The following TCF7L2 variants were observed in gnomAD, a reference collection of about 807,000 sequenced individuals.
TCF7L2 encodes the protein transcription factor 7 like 2.
In TCF7L2, 23 loss-of-function variants were observed where a neutral mutation model predicts 77.9. The ratio of observed to expected loss-of-function variants is 0.30; its 90% CI spans 0.21 to 0.42. The LOEUF (loss-of-function observed/expected upper bound fraction) is 0.42. TCF7L2 is among the 10% of genes least tolerant of loss of function. The pLI, the probability that TCF7L2 is intolerant of heterozygous loss-of-function variation, is 1.00. For synonymous variants in TCF7L2, 413 were observed against 340.2 expected (o/e 1.21, Z -2.36); for missense variants, 654 against 793.1 (o/e 0.82, Z 2.11).
chr10:113,122,325 A>G (rs538835549), intron 5 of TCF7L2, among the ~76,000 whole-genome samples: 6 of 152,384 alleles, frequency 3.9e-5, no homozygotes, highest in African/African-American at 9.6e-5. Flanking sequence ...TTAATATTCT[A>G]TGATTCAAAA....
At chr10:113,000,740 T>C (rs1468823346) in intron 4 of TCF7L2, among the ~76,000 whole-genome samples, 2 of 152,182 alleles carry the variant, frequency 1.3e-5, no homozygotes, top group East Asian at 3.9e-4. Flanking sequence ...GAGAAGGCTC[T>C]GGGTACATGA....
At position 113,013,958 on chromosome 10, in the gene TCF7L2, T is replaced by C. The variant is rs144363244; in HGVS notation, c.451-26067T>C. Among the ~76,000 whole-genome samples the C allele has an allele frequency of 1.6e-3, 250 of 152,326 alleles. No individual in the cohort carries two copies. The Middle Eastern group carries it at 0.02, about 12-fold the overall frequency. On this transcript the variant is annotated intron_variant, in intron 4 of 13. Transcript: ENST00000627217. ...AGCTAGCTAGCTGCCTGGAATTTCT[T>C]TAGAAGGAACTGAAGTTTTTAAAAA...
chr10:113,083,841 G>A (rs2059562843), intron 5 of TCF7L2, among the ~76,000 whole-genome samples: 1 of 152,034 alleles, frequency 6.6e-6, no homozygotes. Flanking sequence ...CAAAGATGTG[G>A]CATTTCCAAA....
intron 4 of TCF7L2, among the ~76,000 whole-genome samples, chr10:113,014,544 G>A (rs2047016979): frequency 6.6e-6 from 1 of 152,180 alleles, no homozygotes; most frequent in South Asian, 2.1e-4. Flanking sequence ...TGTAATCCCA[G>A]CACTTTGGGA....
At chr10:113,157,774 A>T in intron 11 of TCF7L2, 1 of 452,312 alleles carries the variant, frequency 2.2e-6, no homozygotes, top group Admixed American at 3.5e-5. Flanking sequence ...ATGAGAAATG[A>T]GAGCTTCCCT....
intron 4 of TCF7L2, among the ~76,000 whole-genome samples, chr10:113,030,569 G>A (rs561753497): frequency 1.3e-5 from 2 of 152,348 alleles, no homozygotes; most frequent in African/African-American, 2.4e-5. Context: ...GTGAAAGATT[G>A]TAAATACTTT....
chr10:112,974,453 T>G (rs2038966819), intron 4 of TCF7L2, among the ~76,000 whole-genome samples: 1 of 152,088 alleles, frequency 6.6e-6, no homozygotes, highest in Admixed American at 6.5e-5. Context: ...TTTTTTTTGT[T>G]TTTGTTTTTG....
At chr10:113,049,851 G>T (rs529749212) in intron 5 of TCF7L2, among the ~76,000 whole-genome samples, 3 of 152,292 alleles carry the variant, frequency 2.0e-5, no homozygotes, top group African/African-American at 4.8e-5. Context: ...GCCATGCTTC[G>T]AGTGGAGCTT....
At chr10:113,150,909 T>C (rs775932241) in intron 8 of TCF7L2, 89 bp from the exon 9 acceptor site, 20 of 1,214,498 alleles carry the variant, frequency 1.6e-5, no homozygotes, top group Non-Finnish European at 2.2e-5. Context: ...TTACGTGCTG[T>C]TTTTTTTTTT....
At chr10:113,007,954 G>GGGCA (rs1368409144) in intron 4 of TCF7L2, among the ~76,000 whole-genome samples, 2 of 152,212 alleles carry the variant, frequency 1.3e-5, no homozygotes, top group Non-Finnish European at 2.9e-5. Flanking sequence ...AAAGAAGCCT[G>GGGCA]GGCAGGCAGG....
rs972652206 is a variant in TCF7L2 at position 113,086,800 on chromosome 10, A to G, written c.552+46674A>G. On this transcript the variant is annotated intron_variant, in intron 5 of 13. Transcript: ENST00000627217. Reference sequence around the variant, plus strand: ...AACTATAGTTATTTTCTCATGATATAAAAAGATTCTGTAGTTGTATATACA... The same window carrying G: ...AACTATAGTTATTTTCTCATGATATGAAAAGATTCTGTAGTTGTATATACA... Among the ~76,000 whole-genome samples the G allele has an allele frequency of 2.6e-5, 4 of 152,062 alleles. No individual in the cohort carries two copies. The South Asian group carries it at 8.3e-4, about 31-fold the overall frequency.
chr10:113,140,852 A>G (rs1158245064), intron 5 of TCF7L2, among the ~76,000 whole-genome samples: 1 of 152,200 alleles, frequency 6.6e-6, no homozygotes. Flanking sequence ...CGCAGTAGGC[A>G]TGGGAGATTG....
At chr10:113,040,176 A>C (rs1211754731) in intron 5 of TCF7L2, 50 bp downstream of exon 5, 2 of 1,539,356 alleles carry the variant, frequency 1.3e-6, no homozygotes, top group East Asian at 4.5e-5. Context: ...GGGGTGAAAA[A>C]GAAAATGCTT....
chr10:113,051,172 T>C (rs1564828144), intron 5 of TCF7L2, among the ~76,000 whole-genome samples: 1 of 149,958 alleles, frequency 6.7e-6, no homozygotes, highest in Non-Finnish European at 1.5e-5. Flanking sequence ...ATCTGGCTCT[T>C]TGCAATTGCC....
intron 4 of TCF7L2, among the ~76,000 whole-genome samples, chr10:113,018,590 CTGAG>C (rs2047746167): frequency 6.6e-6 from 1 of 151,976 alleles, no homozygotes; most frequent in Admixed American, 6.6e-5. Context: ...CATCAGCCTC[CTGAG>C]TATTTGGGAT....
At chr10:113,157,035 A>G (rs2072060398) in intron 11 of TCF7L2, among the ~76,000 whole-genome samples, 1 of 152,232 alleles carries the variant, frequency 6.6e-6, no homozygotes, top group African/African-American at 2.4e-5. Flanking sequence ...GAGTGGTATC[A>G]TCCTCATTAT....
intron 4 of TCF7L2, among the ~76,000 whole-genome samples, chr10:112,980,655 A>G (rs1275036092): frequency 6.8e-6 from 1 of 146,848 alleles, no homozygotes; most frequent in Non-Finnish European, 1.5e-5. Context: ...ACGGAGTCTC[A>G]CTCTGTCGCC....
chr10:113,107,774 A>AAAAAAAAAAAAAAAAAAG (rs1408038947), intron 5 of TCF7L2, among the ~76,000 whole-genome samples: 1 of 149,798 alleles, frequency 6.7e-6, no homozygotes. Context: ...AAAAAAAAAA[A>AAAAAAAAAAAAAAAAAAG]AACAACAAAA....
At chr10:112,962,606 T>G (rs1343027533) in intron 3 of TCF7L2, among the ~76,000 whole-genome samples, 1 of 152,166 alleles carries the variant, frequency 6.6e-6, no homozygotes, top group Non-Finnish European at 1.5e-5. Flanking sequence ...TATTTTTATT[T>G]TTTATTTTTG....
Sources: allele counts gnomAD v4.1 joint callset (sites outside exome capture counted in the v4.1 genomes callset), GRCh38; gene constraint gnomAD v4.1.1; transcripts MANE v1.5; gene names NCBI Gene and HGNC (gene_info 2026-07-23, HGNC 2026-07-21).